UNC13C: variants seen among roughly 807,000 people sequenced by gnomAD.
UNC13C encodes the protein unc-13 homolog C.
Under a neutral mutation model 245.4 loss-of-function variants are expected in UNC13C, and 174 were observed. The observed-to-expected ratio is 0.71, with a 90% confidence interval of 0.63 to 0.80. The LOEUF is 0.80. UNC13C is among the 30% of genes least tolerant of loss of function. UNC13C has a pLI of 0.00. For synonymous variants in UNC13C, 992 were observed against 895.1 expected (o/e 1.11, Z -1.93); for missense variants, 2,829 against 2,602.9 (o/e 1.09, Z -1.89).
chr15:53,850,954 G>A, the UNC13C span, among the ~76,000 whole-genome samples: 1 of 150,752 alleles, frequency 6.6e-6, no homozygotes, highest in African/African-American at 2.4e-5. Context: ...CTTATGCAGT[G>A]TCTAATCTGC....
chr15:54,287,972 A>T (rs948395740), intron 10 of UNC13C, among the ~76,000 whole-genome samples: 1 of 152,170 alleles, frequency 6.6e-6, no homozygotes, highest in African/African-American at 2.4e-5. Context: ...ATCTTTCTGT[A>T]GTCTCTTCAC....
At chr15:54,586,201 T>C (rs1240633965) in intron 30 of UNC13C, among the ~76,000 whole-genome samples, 4 of 152,222 alleles carry the variant, frequency 2.6e-5, no homozygotes, top group African/African-American at 7.2e-5. Context: ...CTTTCTAAAG[T>C]AAATACCCTA....
At chr15:54,612,187 C>A (rs1383279933) in intron 30 of UNC13C, among the ~76,000 whole-genome samples, 1 of 152,072 alleles carries the variant, frequency 6.6e-6, no homozygotes, top group Admixed American at 6.6e-5. Context: ...CTCTTCCCAT[C>A]ATCAATAGTG....
intron 8 of UNC13C, among the ~76,000 whole-genome samples, chr15:54,261,436 A>G (rs1012916022): frequency 9.2e-5 from 14 of 152,246 alleles, no homozygotes; most frequent in Non-Finnish European, 1.3e-4. Context: ...AAAATTTATT[A>G]TGAATTTGTC....
chr15:54,249,456 C>T (rs1024423282), intron 7 of UNC13C, among the ~76,000 whole-genome samples: 1 of 152,152 alleles, frequency 6.6e-6, no homozygotes, highest in African/African-American at 2.4e-5. Context: ...AAATGTACCT[C>T]TACTATGTTC....
At chr15:54,586,737 A>G (rs1203254208) in intron 30 of UNC13C, among the ~76,000 whole-genome samples, 1 of 152,262 alleles carries the variant, frequency 6.6e-6, no homozygotes, top group Non-Finnish European at 1.5e-5. Flanking sequence ...GATGCAAGTA[A>G]TGCAAGTTGC....
intron 2 of UNC13C, among the ~76,000 whole-genome samples, chr15:54,118,664 A>G (rs1403922034): frequency 1.3e-5 from 2 of 152,202 alleles, no homozygotes; most frequent in African/African-American, 2.4e-5. Flanking sequence ...TCTGGCCAGG[A>G]CTTCCAGTAT....
chr15:54,039,623 C>G (rs1415310153), intron 2 of UNC13C, among the ~76,000 whole-genome samples: 1 of 151,882 alleles, frequency 6.6e-6, no homozygotes, highest in East Asian at 1.9e-4. Context: ...TGTATATTTT[C>G]CTACTTACAC....
chr15:54,038,110 A>ACGTG (rs1256189335), intron 2 of UNC13C, among the ~76,000 whole-genome samples: 1 of 29,526 alleles, frequency 3.4e-5, no homozygotes, highest in African/African-American at 1.5e-4. Flanking sequence ...ATATATATAT[A>ACGTG]TATATATATA....
chr15:54,513,196 C>T (rs1415768418), intron 24 of UNC13C, among the ~76,000 whole-genome samples: 1 of 152,100 alleles, frequency 6.6e-6, no homozygotes, highest in Non-Finnish European at 1.5e-5. Context: ...GTTTTATATT[C>T]AGACTTGAAG....
At chr15:54,028,684 C>CTTTTTTTTTTTTTT (rs58264883) in intron 2 of UNC13C, among the ~76,000 whole-genome samples, 6 of 87,082 alleles carry the variant, frequency 6.9e-5, no homozygotes, top group Non-Finnish European at 1.2e-4. Context: ...GCCTACAAGT[C>CTTTTTTTTTTTTTT]TTTTTTTTTT....
chr15:54,273,320 TGC>T (rs1354049502), intron 10 of UNC13C, among the ~76,000 whole-genome samples: 2 of 152,218 alleles, frequency 1.3e-5, no homozygotes, highest in Non-Finnish European at 2.9e-5. Flanking sequence ...TCTTTCCATT[TGC>T]ACACACACTC....
Position 54,033,544 on chromosome 15 carries a change from C to CCA in UNC13C, c.2983+17664_2983+17665dup, listed in dbSNP as rs1281050580. On this transcript the variant is annotated intron_variant, in intron 2 of 32. Transcript: ENST00000260323. Reference sequence around the variant, plus strand: ...ATTTTATATACACACATTCCGTGAACCACACACCCAAGGATTCTGATTCAG... The same window carrying CCA: ...ATTTTATATACACACATTCCGTGAACCACACACACCCAAGGATTCTGATTCAG... 2.6e-5 allele frequency among the ~76,000 whole-genome samples: 4 copies of CCA among 152,116 alleles called. No homozygotes were observed. The East Asian group carries it at 7.7e-4, about 29-fold the overall frequency.
chr15:54,077,422 A>G (rs141925817), intron 2 of UNC13C, among the ~76,000 whole-genome samples: 155 of 106,622 alleles, frequency 1.5e-3, no homozygotes, highest in African/African-American at 5.6e-3. Flanking sequence ...TCTGTCTCCC[A>G]GGCTGGAGTG....
rs2037613756 is a variant in UNC13C, at chr15:54,302,530, C to T, written c.4268+2157C>T. Among the ~76,000 whole-genome samples, 4 of 152,312 alleles carry T rather than the reference C, an allele frequency of 2.6e-5. No individual in the cohort carries two copies. The South Asian group carries it at 8.3e-4, about 32-fold the overall frequency. ...ATATGGCTAGCCAGTTTTCCCAACA[C>T]CATTTATTAAATAGGAAACCCTTTC... is the stretch of plus-strand genomic sequence containing the variant. On this transcript the variant is annotated intron_variant, in intron 13 of 32. Coordinates refer to ENST00000260323, the MANE Select transcript of UNC13C (RefSeq NM_001080534.3).
chr15:54,059,661 C>G (rs1897712915), intron 2 of UNC13C, among the ~76,000 whole-genome samples: 1 of 152,132 alleles, frequency 6.6e-6, no homozygotes, highest in Admixed American at 6.5e-5. Context: ...ATTGCCAAGT[C>G]AATCCTAAGC....
At chr15:54,083,537 AC>A (rs1405024620) in intron 2 of UNC13C, among the ~76,000 whole-genome samples, 1 of 152,038 alleles carries the variant, frequency 6.6e-6, no homozygotes, top group East Asian at 1.9e-4. Context: ...AGTGGGGAGA[AC>A]CTCTGCTGTA....
intron 17 of UNC13C, among the ~76,000 whole-genome samples, chr15:54,380,871 A>G (rs1449001196): frequency 6.6e-6 from 1 of 152,088 alleles, no homozygotes; most frequent in Non-Finnish European, 1.5e-5. Context: ...CTCCTTATCA[A>G]ATGTATAGAT....
At chr15:54,118,167 G>A (rs1382579290) in intron 2 of UNC13C, among the ~76,000 whole-genome samples, 1 of 151,632 alleles carries the variant, frequency 6.6e-6, no homozygotes, top group Non-Finnish European at 1.5e-5. Context: ...ATAAATTTTA[G>A]AATTGTTTTT....
Sources: allele counts gnomAD v4.1 joint callset (sites outside exome capture counted in the v4.1 genomes callset), GRCh38; gene constraint gnomAD v4.1.1; transcripts MANE v1.5; gene names NCBI Gene and HGNC (gene_info 2026-07-23, HGNC 2026-07-21).